The following ARL6IP5 variants were observed in gnomAD, a reference collection of about 807,000 sequenced individuals.
ARL6IP5 encodes ARF like GTPase 6 interacting protein 5, also known as PRA1 family protein 3.
In ARL6IP5, 6 loss-of-function variants were observed where a neutral mutation model predicts 13.0. That is an observed-to-expected ratio of 0.46 (90% CI 0.25 to 0.91). ARL6IP5 has a LOEUF of 0.91. ARL6IP5 is among the 40% of genes least tolerant of loss of function. The probability of loss-of-function intolerance (pLI) is 0.17; values close to 1 mark genes in which losing one functional copy is unlikely to be tolerated. For synonymous variants in ARL6IP5, 91 were observed against 91.9 expected, an observed-to-expected ratio of 0.99 and a Z score of 0.06; for missense variants, 208 against 248.8, an observed-to-expected ratio of 0.84 and a Z score of 1.10.
At chr3:69,093,643 T>A (rs2092276820) in intron 1 of ARL6IP5, among the ~76,000 whole-genome samples, 1 of 151,710 alleles carries the variant, frequency 6.6e-6, no homozygotes, top group South Asian at 2.1e-4. Context: ...CATGCTTTAA[T>A]CCCAGCTACT....
At chr3:69,088,493 C>T (rs1220817044) in intron 1 of ARL6IP5, among the ~76,000 whole-genome samples, 1 of 152,124 alleles carries the variant, frequency 6.6e-6, no homozygotes, top group African/African-American at 2.4e-5. Flanking sequence ...TAGAGAGGGC[C>T]TCCTCTTCAA....
intron 1 of ARL6IP5, among the ~76,000 whole-genome samples, chr3:69,093,788 A>AAAAGG (rs2092277989): frequency 1.3e-5 from 2 of 151,252 alleles, no homozygotes; most frequent in African/African-American, 4.9e-5. Context: ...AAAAGAAAAG[A>AAAAGG]AAAAAATTAA....
rs2092317181 is a variant in ARL6IP5, at chr3:69,104,704, T to C, written c.*68T>C. On this transcript the variant is annotated 3_prime_UTR_variant, in exon 3 of 3. Coordinates refer to ENST00000273258, the MANE Select transcript of ARL6IP5 (RefSeq NM_006407.4). Reference sequence around the variant, plus strand: ...CAGCTTGCCCTTGTCCAGACCTATGTTCTGCTTGCGTTTTTGAAACAGGAG... The same window carrying C: ...CAGCTTGCCCTTGTCCAGACCTATGCTCTGCTTGCGTTTTTGAAACAGGAG... 3 of 1,554,212 alleles carry C rather than the reference T, an allele frequency of 1.9e-6. No homozygotes were observed. Among genetic ancestry groups the C allele is most frequent in the Non-Finnish European group, 2.6e-6 (3 of 1,138,620 alleles).
intron 1 of ARL6IP5, among the ~76,000 whole-genome samples, chr3:69,099,196 C>A (rs944389958): frequency 2.6e-5 from 4 of 150,960 alleles, no homozygotes; most frequent in Admixed American, 1.3e-4. Context: ...CATGGTGAAA[C>A]CCCGTCTTTA....
chr3:69,085,033 C>T lies in ARL6IP5; in HGVS notation c.-15C>T. ...GCCGCCAGATTCTGGAGGCGAAGAA[C>T]GCAAAGCTGAGAACATGGACGTTAA... On this transcript the variant is annotated 5_prime_UTR_variant, in exon 1 of 3. In the 5' UTR this introduces an upstream ATG that the reference lacks. Coordinates refer to ENST00000273258, the MANE Select transcript of ARL6IP5 (RefSeq NM_006407.4). 6.2e-7 allele frequency: 1 copy of T among 1,610,496 alleles called. No homozygotes were observed. Among genetic ancestry groups the T allele is most frequent in the Non-Finnish European group, 8.5e-7 (1 of 1,178,140 alleles).
At chr3:69,102,894 T>C (rs1017271643) in intron 2 of ARL6IP5, among the ~76,000 whole-genome samples, 1 of 152,172 alleles carries the variant, frequency 6.6e-6, no homozygotes, top group African/African-American at 2.4e-5. Context: ...TTACATGAAT[T>C]ATTTACTAAG....
intron 1 of ARL6IP5, among the ~76,000 whole-genome samples, chr3:69,098,692 T>A (rs1331859232): frequency 2.6e-5 from 4 of 152,324 alleles, no homozygotes; most frequent in African/African-American, 9.6e-5. Context: ...GTACTCAGCC[T>A]AGAAACTTCT....
At chr3:69,092,396 G>A (rs1190976110) in intron 1 of ARL6IP5, among the ~76,000 whole-genome samples, 2 of 152,136 alleles carry the variant, frequency 1.3e-5, no homozygotes, top group Non-Finnish European at 2.9e-5. Flanking sequence ...TACCAAGCTC[G>A]TTAGCATTTG....
chr3:69,085,555 T>C (rs899192558), intron 1 of ARL6IP5, among the ~76,000 whole-genome samples: 1 of 152,120 alleles, frequency 6.6e-6, no homozygotes, highest in Admixed American at 6.5e-5. Flanking sequence ...TGGAAAGATA[T>C]TTGTAGCGCC....
intron 1 of ARL6IP5, among the ~76,000 whole-genome samples, chr3:69,090,583 G>C (rs990829644): frequency 6.6e-6 from 1 of 152,164 alleles, no homozygotes; most frequent in Admixed American, 6.5e-5. Context: ...CAGGTGTTGG[G>C]AATAGGGGAG....
chr3:69,097,543 A>C (rs2092291021), intron 1 of ARL6IP5, among the ~76,000 whole-genome samples: 1 of 151,370 alleles, frequency 6.6e-6, no homozygotes, highest in Non-Finnish European at 1.5e-5. Context: ...CTCTTCATTC[A>C]CTCTCCACTC....
Position 69,085,569 on chromosome 3 carries a change from G to A in ARL6IP5, c.176+346G>A, listed in dbSNP as rs183534394. ...CTGGAAAGATATTTGTAGCGCCCTC[G>A]TCTTTTAAAAATAAGAAGAAAAAGG... On this transcript the variant is annotated intron_variant, in intron 1 of 2. Coordinates refer to ENST00000273258, the MANE Select transcript of ARL6IP5 (RefSeq NM_006407.4). 1.7e-4 allele frequency among the ~76,000 whole-genome samples: 26 copies of A among 152,328 alleles called. No homozygotes were observed. In the East Asian group the frequency reaches 4.8e-3, roughly 28 times the overall value.
Position 69,104,687 on chromosome 3 carries a change from C to A in ARL6IP5, c.*51C>A. The A allele has an allele frequency of 6.3e-7, 1 of 1,594,282 alleles. No individual in the cohort carries two copies. The highest frequency in any genetic ancestry group is 8.6e-7 in the Non-Finnish European group (1 of 1,166,662). On this transcript the variant is annotated 3_prime_UTR_variant, in exon 3 of 3. Transcript: ENST00000273258. ...CAGCAGAAATTGAGTTGCAGCTTGC[C>A]CTTGTCCAGACCTATGTTCTGCTTG...
intron 1 of ARL6IP5, among the ~76,000 whole-genome samples, chr3:69,101,230 C>T (rs966778071): frequency 1.3e-5 from 2 of 151,284 alleles, no homozygotes; most frequent in African/African-American, 4.9e-5. Flanking sequence ...AACATAGTAC[C>T]TTCAAAAGAA....
chr3:69,096,045 G>T (rs929059370), intron 1 of ARL6IP5, among the ~76,000 whole-genome samples: 1 of 152,186 alleles, frequency 6.6e-6, no homozygotes, highest in Admixed American at 6.5e-5. Context: ...CTGTCTGTCT[G>T]TCTGTCTGTC....
chr3:69,092,595 A>G (rs1293932831), intron 1 of ARL6IP5, among the ~76,000 whole-genome samples: 2 of 152,138 alleles, frequency 1.3e-5, no homozygotes, highest in Admixed American at 6.5e-5. Context: ...CTTAGCCTCC[A>G]AGTAGCTGGG....
Position 69,085,025 on chromosome 3 carries a change from G to A in ARL6IP5, c.-23G>A, listed in dbSNP as rs780853153. ...CCGCCGCCGCCGCCAGATTCTGGAG[G>A]CGAAGAACGCAAAGCTGAGAACATG... On this transcript the variant is annotated 5_prime_UTR_variant, in exon 1 of 3. Transcript: ENST00000273258. The A allele has an allele frequency of 6.2e-7, 1 of 1,606,974 alleles. No individual in the cohort carries two copies. Among genetic ancestry groups the A allele is most frequent in the East Asian group, 2.2e-5 (1 of 44,770 alleles).
intron 1 of ARL6IP5, among the ~76,000 whole-genome samples, chr3:69,086,500 T>A (rs2092248082): frequency 6.6e-6 from 1 of 152,210 alleles, no homozygotes; most frequent in Admixed American, 6.5e-5. Context: ...ATCGCACAGA[T>A]CCTTCTTCTG....
At chr3:69,093,056 C>G (rs1156403590) in intron 1 of ARL6IP5, among the ~76,000 whole-genome samples, 1 of 152,082 alleles carries the variant, frequency 6.6e-6, no homozygotes, top group Non-Finnish European at 1.5e-5. Context: ...CTAATCAGAG[C>G]TTTGTACACA....
Sources: gnomAD v4.1 joint callset for allele counts (sites outside exome capture counted in the v4.1 genomes callset) on GRCh38, gnomAD v4.1.1 for gene constraint, MANE v1.5 for transcripts, NCBI Gene and HGNC (gene_info 2026-07-23, HGNC 2026-07-21) for gene names.